Variants in TASP1 observed in about 807,000 individuals in gnomAD.
TASP1 encodes taspase 1.
Under a neutral mutation model 56.6 loss-of-function variants are expected in TASP1, and 16 were observed. The observed-to-expected ratio is 0.28, with a 90% CI of 0.19 to 0.43. The LOEUF (loss-of-function observed/expected upper bound fraction) is 0.43. TASP1 is among the 20% of genes least tolerant of loss of function. The pLI is 1.00. For missense variants in TASP1, 393 were observed against 511.6 expected (o/e 0.77, Z 2.24); for synonymous variants, 179 against 184.2 (o/e 0.97, Z 0.23).
At chr20:13,589,496 A>G (rs1237019475) in intron 4 of TASP1, among the ~76,000 whole-genome samples, 1 of 152,230 alleles carries the variant, frequency 6.6e-6, no homozygotes, top group Non-Finnish European at 1.5e-5. Context: ...AAGAGCTAAA[A>G]CTACCTAACT....
At chr20:13,310,200 G>A in the TASP1 span, among the ~76,000 whole-genome samples, 2 of 152,214 alleles carry the variant, frequency 1.3e-5, no homozygotes, top group South Asian at 4.1e-4. Context: ...CTACAAAGGT[G>A]TAGTAATCAA....
chr20:13,211,640 G>A, the TASP1 span, among the ~76,000 whole-genome samples: 1 of 152,064 alleles, frequency 6.6e-6, no homozygotes, highest in Admixed American at 6.6e-5. Flanking sequence ...CCTAGATATT[G>A]TACAATTAGA....
chr20:13,299,385 A>C, the TASP1 span: 1 of 1,613,480 alleles, frequency 6.2e-7, no homozygotes, highest in Non-Finnish European at 8.5e-7. The surrounding 1 kb of genome is among the most constrained non-coding windows in gnomAD (Gnocchi z 5.8). Flanking sequence ...GCCTCCCAAC[A>C]ACGGACAGAA....
chr20:13,199,092 G>A, the TASP1 span, among the ~76,000 whole-genome samples: 6 of 150,016 alleles, frequency 4.0e-5, no homozygotes, highest in African/African-American at 1.2e-4. Context: ...TTTTGGAGTT[G>A]GGGTCTTGCT....
the TASP1 span, among the ~76,000 whole-genome samples, chr20:13,349,325 T>A: frequency 4.6e-5 from 7 of 152,194 alleles, no homozygotes; most frequent in Admixed American, 4.6e-4. Context: ...AGTGACTATA[T>A]AAAATAATTT....
intron 11 of TASP1, among the ~76,000 whole-genome samples, chr20:13,451,401 T>G (rs1391549676): frequency 6.6e-6 from 1 of 152,104 alleles, no homozygotes; most frequent in African/African-American, 2.4e-5. Context: ...AGAAGGCCAT[T>G]TTTGTCTGCC....
At chr20:13,328,876 T>C in the TASP1 span, among the ~76,000 whole-genome samples, 1 of 152,128 alleles carries the variant, frequency 6.6e-6, no homozygotes, top group South Asian at 2.1e-4. Flanking sequence ...GGTGATGGGA[T>C]AATCCGTGCA....
the TASP1 span, among the ~76,000 whole-genome samples, chr20:13,270,207 C>T: frequency 6.6e-6 from 1 of 152,184 alleles, no homozygotes; most frequent in East Asian, 1.9e-4. Flanking sequence ...AAATGAACAC[C>T]TGTTCTTCCT....
the TASP1 span, among the ~76,000 whole-genome samples, chr20:13,323,670 A>C: frequency 6.6e-6 from 1 of 152,138 alleles, no homozygotes; most frequent in Non-Finnish European, 1.5e-5. Context: ...TTTAGACCTG[A>C]TTTTTCTTAT....
the TASP1 span, among the ~76,000 whole-genome samples, chr20:13,373,690 T>C: frequency 6.6e-6 from 1 of 152,140 alleles, no homozygotes; most frequent in Admixed American, 6.5e-5. Context: ...CTCCTTGTCT[T>C]TGAATTTCAG....
chr20:13,523,884 G>A (rs1469570130), intron 10 of TASP1, among the ~76,000 whole-genome samples: 2 of 152,074 alleles, frequency 1.3e-5, no homozygotes, highest in African/African-American at 4.8e-5. Context: ...CAGTACCCCT[G>A]TACTCACTGT....
At position 13,450,482 on chromosome 20, in the gene TASP1, T is replaced by C. The variant is rs562406114; in HGVS notation, c.986-15328A>G. Among the ~76,000 whole-genome samples the C allele has an allele frequency of 1.2e-4, 19 of 152,238 alleles. No individual in the cohort carries two copies. In the East Asian group the frequency reaches 3.3e-3, roughly 26 times the overall value. On this transcript the variant is annotated intron_variant, in intron 11 of 13. Transcript: ENST00000337743. ...TGAAGTTGCTTTATCAAATAAGTTA[T>C]GCAATATCCTAATTCTTTGTCCTTA... is the stretch of plus-strand genomic sequence containing the variant.
chr20:13,598,918 C>G (rs36033897), intron 4 of TASP1, among the ~76,000 whole-genome samples: 9,427 of 152,198 alleles, frequency 0.062, 378 homozygotes, highest in African/African-American at 0.1. Flanking sequence ...CCAACAGACA[C>G]ATGAAAAAAT....
intron 12 of TASP1, among the ~76,000 whole-genome samples, chr20:13,420,876 T>C (rs1010904547): frequency 2.0e-5 from 3 of 152,152 alleles, no homozygotes; most frequent in Admixed American, 1.3e-4. Flanking sequence ...TATATTACTC[T>C]GAAATCTACT....
intron 8 of TASP1, among the ~76,000 whole-genome samples, chr20:13,542,968 G>GA (rs1275601130): frequency 6.6e-6 from 1 of 151,934 alleles, no homozygotes; most frequent in African/African-American, 2.4e-5. Flanking sequence ...AAGAAAAAAT[G>GA]AAAAATCAAT....
the TASP1 span, among the ~76,000 whole-genome samples, chr20:13,179,608 G>C: frequency 6.6e-6 from 1 of 152,134 alleles, no homozygotes; most frequent in Non-Finnish European, 1.5e-5. Context: ...AGACTGCTTA[G>C]AGGTTTGTGG....
At chr20:13,236,406 G>A in the TASP1 span, among the ~76,000 whole-genome samples, 1 of 152,092 alleles carries the variant, frequency 6.6e-6, no homozygotes, top group African/African-American at 2.4e-5. Flanking sequence ...CACAACACAT[G>A]GGAATTCTGG....
the TASP1 span, among the ~76,000 whole-genome samples, chr20:13,233,489 G>C: frequency 0.032 from 4,799 of 151,804 alleles, 258 homozygotes; most frequent in African/African-American, 0.11. Context: ...CAGCTACTCG[G>C]GAGGCTGAGG....
chr20:13,233,798 A>G, the TASP1 span, among the ~76,000 whole-genome samples: 1 of 152,132 alleles, frequency 6.6e-6, no homozygotes, highest in Non-Finnish European at 1.5e-5. Context: ...CCAAATGTTC[A>G]CTAGGTGCAT....
Sources: allele counts gnomAD v4.1 joint callset (sites outside exome capture counted in the v4.1 genomes callset), GRCh38; gene constraint gnomAD v4.1.1; non-coding constraint Gnocchi (gnomAD v3.1); transcripts MANE v1.5; gene names NCBI Gene and HGNC (gene_info 2026-07-23, HGNC 2026-07-21).